The following APLF variants were observed in gnomAD, a reference collection of about 807,000 sequenced individuals.
APLF encodes the protein aprataxin and PNKP like factor, also known as aprataxin and PNK-like factor.
Under a neutral mutation model 55.6 loss-of-function variants are expected in APLF, and 61 were observed. The ratio of observed to expected loss-of-function variants is 1.10; its 90% CI spans 0.89 to 1.36. The LOEUF (loss-of-function observed/expected upper bound fraction) is 1.36, where lower values mean the gene tolerates loss of function less well. Among genes scored for constraint, APLF ranks in the 40% most tolerant of loss-of-function variants. The pLI is 0.00. For synonymous variants in APLF, 207 were observed against 214.8 expected (o/e 0.96, Z 0.32); for missense variants, 611 against 602.5 (o/e 1.01, Z -0.15).
At chr2:68,513,026 A>C (rs1368642126) in intron 3 of APLF, 54 bp from the exon 4 acceptor site, 8 of 1,506,938 alleles carry the variant, frequency 5.3e-6, no homozygotes, top group Non-Finnish European at 7.2e-6. Flanking sequence ...GTTCTAAGGC[A>C]GCAGAAGTGT....
At chr2:68,490,046 A>G (rs1676310518) in intron 1 of APLF, 144 bp from the exon 2 acceptor site, 2 of 485,224 alleles carry the variant, frequency 4.1e-6, no homozygotes, top group Non-Finnish European at 7.1e-6. Flanking sequence ...CAATCATTTC[A>G]ATATACAGTT....
intron 8 of APLF, among the ~76,000 whole-genome samples, chr2:68,547,138 C>G (rs2104021318): frequency 6.6e-6 from 1 of 151,404 alleles, no homozygotes; most frequent in Non-Finnish European, 1.5e-5. Context: ...ATTATAACAT[C>G]AAAAAGTAAA....
chr2:68,568,239 C>G (rs567314144), intron 9 of APLF: 236 of 983,376 alleles, frequency 2.4e-4, no homozygotes, highest in Middle Eastern at 5.2e-4. Context: ...AATACAGAGG[C>G]TGATTCAGCG....
intron 3 of APLF, among the ~76,000 whole-genome samples, chr2:68,506,286 A>G (rs1430610787): frequency 1.3e-5 from 2 of 150,774 alleles, no homozygotes; most frequent in African/African-American, 5.0e-5. Flanking sequence ...GTGGGGGCAG[A>G]TCTTGAATTG....
At chr2:68,476,847 A>G (rs970736494) in intron 1 of APLF, among the ~76,000 whole-genome samples, 2 of 152,168 alleles carry the variant, frequency 1.3e-5, no homozygotes, top group African/African-American at 4.8e-5. Flanking sequence ...AATTTTGTGA[A>G]TACAGTTAAC....
chr2:68,538,771 A>T (rs1389755866), intron 7 of APLF, among the ~76,000 whole-genome samples: 1 of 148,710 alleles, frequency 6.7e-6, no homozygotes, highest in South Asian at 2.1e-4. Context: ...AATTCAAATT[A>T]TAATCTCTTA....
At chr2:68,538,453 G>A (rs931761956) in intron 7 of APLF, among the ~76,000 whole-genome samples, 4 of 152,134 alleles carry the variant, frequency 2.6e-5, no homozygotes, top group African/African-American at 9.7e-5. Context: ...TAGACATGCT[G>A]ACTAATGTGA....
Position 68,578,704 on chromosome 2 carries a change from CT to C in APLF, c.*684del. ...TTTAAAAGTAAAAAAACTCAAAAAA[CT>C]TGACCTTTTTTTTCAAACTAAAGTC... On this transcript the variant is annotated 3_prime_UTR_variant, in exon 10 of 10. Coordinates refer to ENST00000303795, the MANE Select transcript of APLF (RefSeq NM_173545.3). The C allele has an allele frequency of 1.0e-6, 1 of 985,230 alleles. No homozygotes were observed. The highest frequency in any genetic ancestry group is 1.7e-5 in the African/African-American group (1 of 57,322). The allele number at this position is 985,230 out of a possible 1,614,324, so 61.0% of individuals were successfully genotyped here.
At chr2:68,568,722 AT>A in intron 9 of APLF, among the ~76,000 whole-genome samples, 1 of 152,180 alleles carries the variant, frequency 6.6e-6, no homozygotes, top group East Asian at 1.9e-4. Context: ...ATAGTTAAAA[AT>A]ATCTGAATTT....
chr2:68,480,500 C>G (rs1421369061), intron 1 of APLF, among the ~76,000 whole-genome samples: 1 of 151,944 alleles, frequency 6.6e-6, no homozygotes, highest in Non-Finnish European at 1.5e-5. Flanking sequence ...GATGAGGTTT[C>G]ACCATCTTGG....
intron 1 of APLF, among the ~76,000 whole-genome samples, chr2:68,481,356 C>T (rs574443985): frequency 6.0e-4 from 58 of 96,322 alleles, no homozygotes; most frequent in Non-Finnish European, 9.9e-4. Context: ...ATCATCTGGG[C>T]TGGCAGTTTT....
Position 68,513,685 on chromosome 2 carries a change from G to A in APLF, c.622+5G>A. On this transcript the variant is annotated splice_donor_5th_base_variant and intron_variant, in intron 5 of 9. Coordinates refer to ENST00000303795, the MANE Select transcript of APLF (RefSeq NM_173545.3). The stretch of plus-strand genomic sequence containing the variant: ...CAGTACCAGCAATCAGTGGAGGTAG[G>A]TTTTTGTTTCTACTAATGCTGACTT... The A allele has an allele frequency of 6.2e-7, 1 of 1,609,112 alleles. No individual in the cohort carries two copies. Among genetic ancestry groups the A allele is most frequent in the South Asian group, 1.1e-5 (1 of 90,668 alleles).
chr2:68,567,142 T>C (rs1671331756), intron 8 of APLF, among the ~76,000 whole-genome samples, 199 bp from the exon 9 acceptor site: 1 of 152,126 alleles, frequency 6.6e-6, no homozygotes, highest in African/African-American at 2.4e-5. Context: ...TTCATCACTC[T>C]ATCTTTGCAT....
At position 68,526,281 on chromosome 2, in the gene APLF, T is replaced by C. The variant is rs749158306; in HGVS notation, c.804+39T>C. On this transcript the variant is annotated intron_variant, in intron 6 of 9. Transcript: ENST00000303795. ...ATTCATTATTTGATTGTTTTTTTGT[T>C]AGGTGTTTTAGATAGAAATTAATCA... 1.9e-6 allele frequency: 3 copies of C among 1,570,978 alleles called. No homozygotes were observed. The South Asian group carries it at 3.5e-5, about 18-fold the overall frequency.
At chr2:68,534,643 G>A (rs1268942158) in intron 6 of APLF, among the ~76,000 whole-genome samples, 1 of 152,124 alleles carries the variant, frequency 6.6e-6, no homozygotes, top group Non-Finnish European at 1.5e-5. Context: ...TCTCTAACAT[G>A]TATATTTACA....
chr2:68,476,302 A>T (rs1383677054), intron 1 of APLF, among the ~76,000 whole-genome samples: 1 of 152,042 alleles, frequency 6.6e-6, no homozygotes, highest in African/African-American at 2.4e-5. Context: ...CCTGATCAAC[A>T]TGGTGAAACC....
chr2:68,502,287 A>G (rs1297652103), intron 2 of APLF, among the ~76,000 whole-genome samples: 1 of 152,184 alleles, frequency 6.6e-6, no homozygotes, highest in African/African-American at 2.4e-5. Context: ...AATTGTAATA[A>G]GAAATTAGTA....
rs1250416412 is a variant in APLF at position 68,513,159 on chromosome 2, A to G, written c.421A>G (p.Thr141Ala). Residue 141 changes from threonine (T) to alanine (A), a missense_variant, in exon 4 of 10, where the codon ACT becomes GCT. Thr to Ala is a moderately conservative substitution (Grantham distance 58). Transcript: ENST00000303795. ...SPVINLPHET[T>A]GASQLEGSTE... Reference sequence around the variant, plus strand: ...CGTGATTAATTTACCTCATGAGACTACTGGTGCCTCACAACTGGAAGGAAG... The same window carrying G: ...CGTGATTAATTTACCTCATGAGACTGCTGGTGCCTCACAACTGGAAGGAAG... 3.1e-5 allele frequency: 50 copies of G among 1,611,404 alleles called. No individual in the cohort carries two copies. The highest frequency in any genetic ancestry group is 4.1e-5 in the Non-Finnish European group (48 of 1,178,458).
chr2:68,498,695 G>A (rs993032050), intron 2 of APLF, among the ~76,000 whole-genome samples: 1 of 152,212 alleles, frequency 6.6e-6, no homozygotes, highest in Non-Finnish European at 1.5e-5. Context: ...TGATGATGAT[G>A]TTCTTTGTAA....
Sources: allele counts gnomAD v4.1 joint callset (sites outside exome capture counted in the v4.1 genomes callset), GRCh38; gene constraint gnomAD v4.1.1; transcripts MANE v1.5; gene names NCBI Gene and HGNC (gene_info 2026-07-23, HGNC 2026-07-21).